The following PNPLA6 variants were observed in gnomAD, a reference collection of about 807,000 sequenced individuals.
PNPLA6 encodes the protein patatin-like phospholipase domain-containing protein 6.
PNPLA6 carries 105 observed loss-of-function variants against 153.7 expected under a neutral mutation model. That is an observed-to-expected ratio of 0.68 (90% CI 0.58 to 0.80). The LOEUF (loss-of-function observed/expected upper bound fraction) is 0.80, where lower values mean the gene tolerates loss of function less well. Ranked by LOEUF, PNPLA6 falls within the 30% of genes least tolerant of loss-of-function variation. The pLI is 0.00. For synonymous variants in PNPLA6, 825 were observed against 822.2 expected (o/e 1.00, Z -0.06); for missense variants, 1,423 against 1,919.3 (o/e 0.74, Z 4.83).
chr19:7,555,593 C>T lies in PNPLA6; in HGVS notation c.2937-14C>T. On this transcript the variant is annotated splice_polypyrimidine_tract_variant and intron_variant, in intron 23 of 31. Transcript: ENST00000600737. The surrounding 1 kb of genome is among the most constrained non-coding windows in gnomAD (Gnocchi z 6.3). ...TGGGGCCTAGCGGGTCACTGGGGCC[C>T]ATTTTCCCGGCAGGGGCTGCTCGCA... 1 of 1,610,756 alleles carries T rather than the reference C, an allele frequency of 6.2e-7. No individual in the cohort carries two copies. Among genetic ancestry groups the T allele is most frequent in the Non-Finnish European group, 8.5e-7 (1 of 1,179,034 alleles).
chr19:7,554,386 T>G, intron 20 of PNPLA6, 114 bp downstream of exon 20: 2 of 1,244,430 alleles, frequency 1.6e-6, no homozygotes, highest in Non-Finnish European at 2.4e-6. Flanking sequence ...GTCTTACCCA[T>G]AGGTCAATGG....
chr19:7,557,075 C>G, intron 26 of PNPLA6, 93 bp from the exon 27 acceptor site: 2 of 945,066 alleles, frequency 2.1e-6, no homozygotes, highest in Non-Finnish European at 1.7e-6. Flanking sequence ...ACGTTAACAA[C>G]GTCCCAGGTC....
chr19:7,554,398 G>C, intron 20 of PNPLA6, 126 bp downstream of exon 20: 1 of 1,208,044 alleles, frequency 8.3e-7, no homozygotes, highest in Non-Finnish European at 1.2e-6. Context: ...GGTCAATGGG[G>C]AGATTCGCAG....
rs2024089508 is a variant in PNPLA6 at position 7,561,275 on chromosome 19, G to A, written c.3981G>A (p.Gly1327=). The A allele has an allele frequency of 6.2e-7, 1 of 1,610,378 alleles. No individual in the cohort carries two copies. Among genetic ancestry groups the A allele is most frequent in the Admixed American group, 1.7e-5 (1 of 59,406 alleles). The stretch of plus-strand genomic sequence containing the variant: ...GACCCGACTGCTCGAGGGATGAAGG[G>A]GGGTCCCCCGAGGGCGCAAGCCCCA... ...DAGPDCSRDE[G]GSPEGASPST... is the part of the protein sequence containing the mutation. Residue 1327 remains glycine, a synonymous_variant, in exon 31 of 32, where the codon GGG becomes GGA. Coordinates refer to ENST00000600737, the MANE Select transcript of PNPLA6 (RefSeq NM_001166114.2).
chr19:7,559,232 G>T (rs2024010030), intron 28 of PNPLA6, 81 bp downstream of exon 28: 2 of 1,224,822 alleles, frequency 1.6e-6, no homozygotes, highest in Non-Finnish European at 2.4e-6. Context: ...TGGTATGAGG[G>T]GGAGGAATCC....
At chr19:7,560,469 G>T (rs2024053339) in intron 28 of PNPLA6, 179 bp from the exon 29 acceptor site, 1 of 671,968 alleles carries the variant, frequency 1.5e-6, no homozygotes, top group Non-Finnish European at 2.7e-6. Context: ...TGTCTGTCAA[G>T]GGCAGGACAG....
Position 7,540,560 on chromosome 19 carries a change from A to G in PNPLA6, c.715-70A>G. The G allele has an allele frequency of 7.9e-7, 1 of 1,259,608 alleles. No individual in the cohort carries two copies. The highest frequency in any genetic ancestry group is 1.2e-6 in the Non-Finnish European group (1 of 856,768). 78.0% of individuals were successfully genotyped at this position (1,259,608 alleles called of 1,614,324 possible). A position where few individuals can be genotyped will look rare whatever the true frequency, so the allele number is the denominator to read the frequency against. ...ATGAGAAGTGTCAGTGATCATTGGG[A>G]TGGATGAGGGGGCGACATGCCAGTC... is the stretch of plus-strand genomic sequence containing the variant. On this transcript the variant is annotated intron_variant, in intron 5 of 31. Coordinates refer to ENST00000600737, the MANE Select transcript of PNPLA6 (RefSeq NM_001166114.2). The surrounding 1 kb of genome is among the most constrained non-coding windows in gnomAD (Gnocchi z 6.8).
intron 16 of PNPLA6, 169 bp downstream of exon 16, chr19:7,550,809 C>CCGCCTGT (rs2146089103): frequency 1.0e-6 from 1 of 986,978 alleles, no homozygotes; most frequent in Admixed American, 2.1e-5. Context: ...AAAGGGGATT[C>CCGCCTGT]CGCCTGTCGT....
chr19:7,557,081 A>T, intron 26 of PNPLA6, 87 bp from the exon 27 acceptor site: 1 of 1,000,656 alleles, frequency 1.0e-6, no homozygotes, highest in Non-Finnish European at 1.6e-6. Context: ...ACAACGTCCC[A>T]GGTCAGCGAG....
intron 13 of PNPLA6, among the ~76,000 whole-genome samples, chr19:7,548,841 C>T (rs1369953951): frequency 7.0e-6 from 1 of 141,988 alleles, no homozygotes; most frequent in Non-Finnish European, 1.5e-5. Flanking sequence ...CTCGCTCAGT[C>T]GCCCAGGCTG....
At chr19:7,547,811 A>ATTTTTTTTTTTTTTT (rs71286227) in intron 13 of PNPLA6, among the ~76,000 whole-genome samples, 1 of 114,504 alleles carries the variant, frequency 8.7e-6, no homozygotes, top group African/African-American at 3.5e-5. Context: ...CTAATTAAAA[A>ATTTTTTTTTTTTTTT]TTTTTTTTTT....
intron 10 of PNPLA6, 107 bp downstream of exon 10, chr19:7,542,174 C>A: frequency 1.2e-6 from 1 of 811,136 alleles, no homozygotes; most frequent in Non-Finnish European, 2.1e-6. Context: ...GGGAACACTG[C>A]CAGTACTTCC....
chr19:7,547,136 C>T (rs2023417530), intron 13 of PNPLA6, among the ~76,000 whole-genome samples: 1 of 152,176 alleles, frequency 6.6e-6, no homozygotes, highest in South Asian at 2.1e-4. Context: ...AACTCCTGAC[C>T]TCAAGTGATC....
Position 7,539,931 on chromosome 19 carries a change from C to G in PNPLA6, c.427C>G (p.Gln143Glu). The G allele has an allele frequency of 6.4e-7, 1 of 1,553,488 alleles. No individual in the cohort carries two copies. The highest frequency in any genetic ancestry group is 8.7e-7 in the Non-Finnish European group (1 of 1,151,006). Residue 143 changes from glutamine (Q) to glutamate (E), a missense_variant, in exon 4 of 32, where the codon CAG (glutamine) becomes GAG (glutamate). This residue lies in a region of PNPLA6 where 74 missense variants were observed against 171.3 expected (regional missense o/e 0.43). Coordinates refer to ENST00000600737, the MANE Select transcript of PNPLA6 (RefSeq NM_001166114.2). ...CCCTCCCACCAGGATCCTGCGCATC[C>G]AGAAAGAGACGCCCACGCTGCAGCG... ...LNIAKKILRI[Q>E]KETPTLQRKE...
chr19:7,550,651 C>T lies in PNPLA6; in HGVS notation c.2070+11C>T. ...GACCTCATCGGCGTGGTGAGCGCGA[C>T]CCCCACCCACTGACCTCTGGCCTTT... is the stretch of plus-strand genomic sequence containing the variant. On this transcript the variant is annotated intron_variant, in intron 16 of 31. Transcript: ENST00000600737. 5.0e-6 allele frequency: 8 copies of T among 1,609,580 alleles called. No homozygotes were observed. The highest frequency in any genetic ancestry group is 5.9e-6 in the Non-Finnish European group (7 of 1,179,484).
At chr19:7,558,294 A>G (rs2023969711) in intron 27 of PNPLA6, among the ~76,000 whole-genome samples, 2 of 152,326 alleles carry the variant, frequency 1.3e-5, no homozygotes, top group South Asian at 4.1e-4. Flanking sequence ...TGGGCAAACT[A>G]TGGCCCACAG....
intron 13 of PNPLA6, among the ~76,000 whole-genome samples, 179 bp downstream of exon 13, chr19:7,543,263 C>A (rs1211355139): frequency 1.3e-5 from 2 of 152,142 alleles, no homozygotes; most frequent in Admixed American, 1.3e-4. Flanking sequence ...ACCCCCTAAC[C>A]CCACCCTATG....
Position 7,540,600 on chromosome 19 carries a change from A to G in PNPLA6, c.715-30A>G. 1.3e-6 allele frequency: 2 copies of G among 1,565,600 alleles called. No homozygotes were observed. Among genetic ancestry groups the G allele is most frequent in the Non-Finnish European group, 1.8e-6 (2 of 1,135,806 alleles). On this transcript the variant is annotated intron_variant, in intron 5 of 31. Transcript: ENST00000600737. This position sits in a 1 kb window ranked among gnomAD's most constrained non-coding sequence, Gnocchi z 6.8. ...ACATGCCAGTCACCAGGGCGAGGCC[A>G]CTGAGGGTCCACGGTCTCCTGTGTC...
chr19:7,554,652 G>C lies in PNPLA6; in HGVS notation c.2563G>C (p.Val855Leu), dbSNP rs144375033. The C allele has an allele frequency of 8.7e-6, 14 of 1,613,876 alleles. No homozygotes were observed. Among genetic ancestry groups the C allele is most frequent in the African/African-American group, 1.3e-5 (1 of 74,920 alleles). The change falls in exon 21 of 32, where the codon GTG (valine) becomes CTG (leucine). Residue 855 changes from valine (V) to leucine (L), a missense_variant. By Grantham distance (32) the Val-to-Leu change is conservative. Transcript: ENST00000600737. Reference protein sequence around the residue: ...QTDASLTPWTVRCLRQADCIL... With the variant: ...QTDASLTPWTLRCLRQADCIL... ...GGACGCCTCGCTGACGCCCTGGACCGTGCGCTGCCTGCGACAGGCCGACTG... is the reference window on the plus strand; with the variant it reads ...GGACGCCTCGCTGACGCCCTGGACCCTGCGCTGCCTGCGACAGGCCGACTG...
Sources: gnomAD v4.1 joint callset for allele counts (sites outside exome capture counted in the v4.1 genomes callset) on GRCh38, gnomAD v4.1.1 for gene constraint, gnomAD v4.1.1 regional missense constraint, Gnocchi (gnomAD v3.1) non-coding constraint, MANE v1.5 for transcripts, NCBI Gene and HGNC (gene_info 2026-07-23, HGNC 2026-07-21) for gene names.